Variants in SH3GL3 observed in about 807,000 individuals in gnomAD.
SH3GL3 encodes SH3 domain containing GRB2 like 3, endophilin A3.
SH3GL3 carries 33 observed loss-of-function variants against 47.7 expected under a neutral mutation model. The ratio of observed to expected loss-of-function variants is 0.69; its 90% CI spans 0.52 to 0.92. The LOEUF is 0.92. Among genes scored for constraint, SH3GL3 ranks in the 40% least tolerant of loss-of-function variants. SH3GL3 has a pLI of 0.00. For missense variants in SH3GL3, 363 were observed against 417.8 expected (o/e 0.87, Z 1.14); for synonymous variants, 155 against 148.8 (o/e 1.04, Z -0.30).
intron 1 of SH3GL3, among the ~76,000 whole-genome samples, chr15:83,496,821 A>G (rs1469590073): frequency 1.3e-5 from 2 of 152,096 alleles, no homozygotes; most frequent in Admixed American, 6.6e-5. Flanking sequence ...CCAGGTCAGG[A>G]GGAAAGTTCC....
intron 8 of SH3GL3, among the ~76,000 whole-genome samples, chr15:83,589,836 A>G (rs970502684): frequency 1.3e-5 from 2 of 152,074 alleles, no homozygotes; most frequent in Non-Finnish European, 2.9e-5. Flanking sequence ...CCATTTCCCT[A>G]TTGGTGGACG....
chr15:83,553,198 C>T (rs919516205), intron 1 of SH3GL3, among the ~76,000 whole-genome samples: 4 of 152,106 alleles, frequency 2.6e-5, no homozygotes, highest in Admixed American at 1.3e-4. Context: ...GGCAACAAAG[C>T]GAGACCCTGT....
intron 1 of SH3GL3, among the ~76,000 whole-genome samples, chr15:83,507,143 C>G (rs1596135021): frequency 6.6e-6 from 1 of 151,138 alleles, no homozygotes; most frequent in East Asian, 2.0e-4. Flanking sequence ...GTAGCTGGGA[C>G]TACAGGCGCC....
At chr15:83,505,872 C>A (rs921582798) in intron 1 of SH3GL3, among the ~76,000 whole-genome samples, 17 of 152,238 alleles carry the variant, frequency 1.1e-4, no homozygotes, top group Middle Eastern at 3.4e-3. Flanking sequence ...GTATTTTATC[C>A]ATTTTTAAGA....
intron 3 of SH3GL3, among the ~76,000 whole-genome samples, chr15:83,566,346 C>CAGAG (rs147698292): frequency 0.19 from 24,982 of 133,390 alleles, 2,698 homozygotes; most frequent in Non-Finnish European, 0.24. Flanking sequence ...GAAAGATGGG[C>CAGAG]AGAGAGAGAG....
intron 1 of SH3GL3, among the ~76,000 whole-genome samples, chr15:83,508,005 G>A (rs1008228092): frequency 6.6e-6 from 1 of 151,606 alleles, no homozygotes; most frequent in Non-Finnish European, 1.5e-5. Context: ...GCAGTGGTGC[G>A]ATCTTGGCTC....
chr15:83,494,283 C>T (rs1180880115), intron 1 of SH3GL3, among the ~76,000 whole-genome samples: 1 of 152,172 alleles, frequency 6.6e-6, no homozygotes, highest in Non-Finnish European at 1.5e-5. Context: ...TGGGCTCGGT[C>T]ACTGGAACAG....
intron 6 of SH3GL3, among the ~76,000 whole-genome samples, chr15:83,583,869 G>A (rs2059895661): frequency 6.6e-6 from 1 of 152,076 alleles, no homozygotes; most frequent in African/African-American, 2.4e-5. Flanking sequence ...ATTACCCCCT[G>A]AGCTTGGTTC....
the SH3GL3 span, among the ~76,000 whole-genome samples, chr15:83,624,785 A>T: frequency 6.6e-6 from 1 of 152,234 alleles, no homozygotes; most frequent in Non-Finnish European, 1.5e-5. Flanking sequence ...AAAGTTAAAA[A>T]TTAGCCAGGC....
At chr15:83,592,184 T>C (rs1391733678) in intron 8 of SH3GL3, among the ~76,000 whole-genome samples, 2 of 152,240 alleles carry the variant, frequency 1.3e-5, no homozygotes, top group Non-Finnish European at 2.9e-5. Flanking sequence ...AATGTATTGA[T>C]TTCCTGATAT....
chr15:83,624,590 G>A, the SH3GL3 span, among the ~76,000 whole-genome samples: 111,083 of 152,136 alleles, frequency 0.73, 41,359 homozygotes, highest in African/African-American at 0.87. Flanking sequence ...GACAAGTACA[G>A]TGAAGTGGGT....
At chr15:83,493,615 C>T (rs1015595425) in intron 1 of SH3GL3, among the ~76,000 whole-genome samples, 1 of 152,160 alleles carries the variant, frequency 6.6e-6, no homozygotes, top group African/African-American at 2.4e-5. Flanking sequence ...TTGGCATCAC[C>T]CAGACCTGCT....
At chr15:83,481,633 C>T (rs989536330) in intron 1 of SH3GL3, among the ~76,000 whole-genome samples, 8 of 152,312 alleles carry the variant, frequency 5.3e-5, no homozygotes, top group African/African-American at 1.7e-4. Context: ...TGAAAGAGCA[C>T]AGTGGTGCAT....
At chr15:83,517,145 G>A (rs2043012095) in intron 1 of SH3GL3, among the ~76,000 whole-genome samples, 1 of 151,270 alleles carries the variant, frequency 6.6e-6, no homozygotes, top group South Asian at 2.1e-4. Flanking sequence ...GGTGTTCACT[G>A]CTAGATGATG....
intron 1 of SH3GL3, among the ~76,000 whole-genome samples, chr15:83,496,022 G>A (rs1042518452): frequency 6.6e-6 from 1 of 151,938 alleles, no homozygotes; most frequent in African/African-American, 2.4e-5. Flanking sequence ...CACGTATATG[G>A]ATTTGCGTCT....
At chr15:83,449,552 C>T (rs1017679686) in intron 1 of SH3GL3, among the ~76,000 whole-genome samples, 5 of 152,162 alleles carry the variant, frequency 3.3e-5, no homozygotes, top group African/African-American at 9.7e-5. Context: ...AACGTAAGCC[C>T]TTGGGTGATT....
intron 1 of SH3GL3, among the ~76,000 whole-genome samples, chr15:83,524,689 T>C (rs2043342586): frequency 6.6e-6 from 1 of 151,982 alleles, no homozygotes; most frequent in African/African-American, 2.4e-5. Context: ...CTTCCCAGCA[T>C]CTAGTAACTG....
intron 8 of SH3GL3, among the ~76,000 whole-genome samples, chr15:83,596,262 A>G (rs2060235343): frequency 2.0e-5 from 3 of 152,028 alleles, no homozygotes; most frequent in South Asian, 4.1e-4. Flanking sequence ...ACCCTTTTAA[A>G]TTTTTTGAAG....
chr15:83,552,262 G>A (rs1239411947), intron 1 of SH3GL3, among the ~76,000 whole-genome samples: 1 of 152,186 alleles, frequency 6.6e-6, no homozygotes, highest in Non-Finnish European at 1.5e-5. Context: ...ACATTAAATT[G>A]AGGTGTTCTT....
Sources: allele counts gnomAD v4.1 joint callset (sites outside exome capture counted in the v4.1 genomes callset), GRCh38; gene constraint gnomAD v4.1.1; transcripts MANE v1.5; gene names NCBI Gene and HGNC (gene_info 2026-07-23, HGNC 2026-07-21).